The following ASCC3 variants were observed in gnomAD, a reference collection of about 807,000 sequenced individuals.
The protein encoded by ASCC3 is ASC-1 complex subunit P200.
A neutral mutation model predicts 256.3 loss-of-function variants in ASCC3; 158 were observed. The ratio of observed to expected loss-of-function variants is 0.62; its 90% CI spans 0.54 to 0.70. The LOEUF (loss-of-function observed/expected upper bound fraction) is 0.70, where lower values mean the gene tolerates loss of function less well. Ranked by LOEUF, ASCC3 falls within the 30% of genes least tolerant of loss-of-function variation. The pLI is 0.00. For missense variants in ASCC3, 2,259 were observed against 2,626.0 expected (o/e 0.86, Z 3.05); for synonymous variants, 948 against 883.4 (o/e 1.07, Z -1.30).
At chr6:100,673,372 T>C (rs775106906) in intron 14 of ASCC3, among the ~76,000 whole-genome samples, 1 of 152,154 alleles carries the variant, frequency 6.6e-6, no homozygotes, top group African/African-American at 2.4e-5. Context: ...CTGATGTCTT[T>C]AGAGTGCTTC....
intron 15 of ASCC3, 57 bp from the exon 16 acceptor site, chr6:100,662,087 T>C: frequency 6.6e-7 from 1 of 1,505,542 alleles, no homozygotes; most frequent in Non-Finnish European, 9.2e-7. Context: ...ATAATCCTGA[T>C]GAACTGAATA....
At chr6:100,545,755 T>A (rs1309189332) in intron 36 of ASCC3, among the ~76,000 whole-genome samples, 1 of 152,122 alleles carries the variant, frequency 6.6e-6, no homozygotes, top group Non-Finnish European at 1.5e-5. Context: ...TTAAAAAAAA[T>A]ATTTTTTGTA....
intron 33 of ASCC3, among the ~76,000 whole-genome samples, chr6:100,602,711 A>C (rs569101547): frequency 1.2e-4 from 18 of 152,098 alleles, no homozygotes; most frequent in Non-Finnish European, 2.5e-4. Context: ...ATAAGACATT[A>C]TGTATTAGGT....
intron 34 of ASCC3, among the ~76,000 whole-genome samples, 163 bp downstream of exon 34, chr6:100,601,647 C>T (rs75213401): frequency 0.03 from 4,611 of 152,154 alleles, 78 homozygotes; most frequent in African/African-American, 0.055. Flanking sequence ...ATTTTATATA[C>T]TGTGATACCA....
At chr6:100,615,217 C>T (rs137866083) in intron 30 of ASCC3, among the ~76,000 whole-genome samples, 1 of 152,222 alleles carries the variant, frequency 6.6e-6, no homozygotes, top group African/African-American at 2.4e-5. Context: ...AGGTGATCCA[C>T]CCAACTCGGC....
chr6:100,651,650 C>T lies in ASCC3; in HGVS notation c.2989-4G>A, dbSNP rs745924776. ...CATCAAAGAGTTCATTAAAGGTCTA[C>T]CAAAGTAAGTGTTATATTTGATTAA... On this transcript the variant is annotated splice_polypyrimidine_tract_variant and splice_region_variant and intron_variant, in intron 18 of 41. Transcript: ENST00000369162. The T allele has an allele frequency of 2.7e-6, 4 of 1,503,286 alleles. No homozygotes were observed. The highest frequency in any genetic ancestry group is 2.8e-5 in the African/African-American group (2 of 72,528). 93.1% of individuals were successfully genotyped at this position (1,503,286 alleles called of 1,614,324 possible).
At chr6:100,820,873 A>G (rs968780773) in intron 4 of ASCC3, among the ~76,000 whole-genome samples, 1 of 152,202 alleles carries the variant, frequency 6.6e-6, no homozygotes, top group Non-Finnish European at 1.5e-5. Context: ...ACCAGGATGA[A>G]ACTCAACATT....
At chr6:100,711,218 G>A (rs1778838790) in intron 13 of ASCC3, among the ~76,000 whole-genome samples, 1 of 152,028 alleles carries the variant, frequency 6.6e-6, no homozygotes, top group African/African-American at 2.4e-5. Flanking sequence ...ATTTCTAGGG[G>A]CAACACAATA....
At chr6:100,667,809 A>G (rs760404144) in intron 14 of ASCC3, among the ~76,000 whole-genome samples, 1 of 152,040 alleles carries the variant, frequency 6.6e-6, no homozygotes, top group Non-Finnish European at 1.5e-5. Context: ...CATGAGTTTG[A>G]AGTGATCCAT....
At chr6:100,537,714 T>C (rs1775231250) in intron 37 of ASCC3, among the ~76,000 whole-genome samples, 1 of 151,938 alleles carries the variant, frequency 6.6e-6, no homozygotes, top group Non-Finnish European at 1.5e-5. Flanking sequence ...TGGGTGAAGG[T>C]ATAATTACTA....
intron 10 of ASCC3, among the ~76,000 whole-genome samples, chr6:100,748,151 AC>A (rs1780772862): frequency 1.3e-5 from 2 of 152,070 alleles, no homozygotes; most frequent in Admixed American, 1.3e-4. Flanking sequence ...CCAAGTAAGT[AC>A]CACTCATGTT....
At chr6:100,826,332 C>A (rs960007106) in intron 4 of ASCC3, among the ~76,000 whole-genome samples, 1 of 152,064 alleles carries the variant, frequency 6.6e-6, no homozygotes, top group Non-Finnish European at 1.5e-5. Flanking sequence ...GGGGTTTCAC[C>A]ATATTGGCCA....
At chr6:100,868,175 CTGACA>C (rs1773568647) in intron 1 of ASCC3, 137 bp from the exon 2 acceptor site, 1 of 610,364 alleles carries the variant, frequency 1.6e-6, no homozygotes, top group South Asian at 1.9e-5. Flanking sequence ...AAAAATTCTC[CTGACA>C]TATTTTCTAT....
At position 100,608,825 on chromosome 6, in the gene ASCC3, G is replaced by T. The variant is rs1288134169; in HGVS notation, c.4786-1737C>A. Among the ~76,000 whole-genome samples the T allele has an allele frequency of 2.2e-4, 28 of 125,824 alleles. No individual in the cohort carries two copies. The Admixed American group carries it at 2.5e-3, about 11-fold the overall frequency. 82.5% of individuals were successfully genotyped at this position (125,824 alleles called of 152,430 possible). A position where few individuals can be genotyped will look rare whatever the true frequency, so the allele number is the denominator to read the frequency against. On this transcript the variant is annotated intron_variant, in intron 30 of 41. Transcript: ENST00000369162. ...GTTGCCCAGGTTGGAGTGCAGTGGC[G>T]TGATCTCGGCTCACTGCAAGCTCTG...
intron 14 of ASCC3, among the ~76,000 whole-genome samples, chr6:100,669,234 A>G (rs536499664): frequency 2.1e-3 from 317 of 149,568 alleles, no homozygotes; most frequent in Non-Finnish European, 2.6e-3. Flanking sequence ...GTAAAGAAAT[A>G]TATTTTTCTT....
At chr6:100,862,803 G>A (rs533223507) in intron 3 of ASCC3, among the ~76,000 whole-genome samples, 2 of 152,290 alleles carry the variant, frequency 1.3e-5, no homozygotes, top group South Asian at 2.1e-4. Flanking sequence ...ATGATTATAA[G>A]ATAAAGAGTG....
At chr6:100,732,336 T>C (rs1193740514) in intron 10 of ASCC3, among the ~76,000 whole-genome samples, 2 of 152,172 alleles carry the variant, frequency 1.3e-5, no homozygotes, top group Non-Finnish European at 2.9e-5. Flanking sequence ...AGAGATTACA[T>C]TTATTCAAGA....
chr6:100,756,914 A>G (rs1180220042), intron 10 of ASCC3, among the ~76,000 whole-genome samples: 1 of 152,170 alleles, frequency 6.6e-6, no homozygotes, highest in Non-Finnish European at 1.5e-5. Flanking sequence ...TTTAAAATGT[A>G]CAAGACCTAT....
At chr6:100,856,582 G>T in intron 3 of ASCC3, 1 of 285,480 alleles carries the variant, frequency 3.5e-6, no homozygotes, top group South Asian at 1.4e-4. Flanking sequence ...ACTACTTCAA[G>T]AATCAGAACA....
Sources: gnomAD v4.1 joint callset for allele counts (sites outside exome capture counted in the v4.1 genomes callset) on GRCh38, gnomAD v4.1.1 for gene constraint, MANE v1.5 for transcripts, NCBI Gene and HGNC (gene_info 2026-07-23, HGNC 2026-07-21) for gene names.